Variants in UBE2E2 observed in about 807,000 individuals in gnomAD.
UBE2E2 encodes ubiquitin-conjugating enzyme E2 E2.
UBE2E2 carries 6 observed loss-of-function variants against 24.7 expected under a neutral mutation model. The observed-to-expected ratio is 0.24, with a 90% confidence interval of 0.13 to 0.48. UBE2E2 has a LOEUF of 0.48. Ranked by LOEUF, UBE2E2 falls within the 20% of genes least tolerant of loss-of-function variation. The probability of loss-of-function intolerance (pLI) is 0.99; values close to 1 mark genes in which losing one functional copy is unlikely to be tolerated. For synonymous variants in UBE2E2, 104 were observed against 83.6 expected (o/e 1.24, Z -1.33); for missense variants, 169 against 245.0 (o/e 0.69, Z 2.07).
At chr3:23,430,118 G>T (rs1698023254) in intron 3 of UBE2E2, among the ~76,000 whole-genome samples, 1 of 152,156 alleles carries the variant, frequency 6.6e-6, no homozygotes, top group Non-Finnish European at 1.5e-5. Context: ...TTGAGATTCA[G>T]ACCCCTTGAA....
intron 3 of UBE2E2, among the ~76,000 whole-genome samples, chr3:23,339,358 T>C (rs776691426): frequency 5.3e-5 from 8 of 152,116 alleles, no homozygotes; most frequent in Non-Finnish European, 7.4e-5. Context: ...AAGGAAGATA[T>C]TAGTAGGACA....
chr3:23,282,687 A>C (rs749805734), intron 3 of UBE2E2, among the ~76,000 whole-genome samples: 12 of 152,210 alleles, frequency 7.9e-5, no homozygotes, highest in Non-Finnish European at 1.6e-4. Flanking sequence ...AATGATTTAA[A>C]AACTAAATTG....
intron 1 of UBE2E2, among the ~76,000 whole-genome samples, chr3:23,208,089 A>T (rs1696200615): frequency 6.6e-6 from 1 of 151,878 alleles, no homozygotes; most frequent in Non-Finnish European, 1.5e-5. Context: ...GCTGGAATGC[A>T]GTGGTATCAA....
rs186252890 is a variant in UBE2E2, at chr3:23,553,446, G to A, written c.508+20745G>A. ...GTATACTGGTAGCTATAACTATAGG[G>A]CCTTTGTTTTGGTCGATGATATTTA... On this transcript the variant is annotated intron_variant, in intron 5 of 5. Coordinates refer to ENST00000396703, the MANE Select transcript of UBE2E2 (RefSeq NM_152653.4). Among the ~76,000 whole-genome samples, 71 of 152,150 alleles carry A rather than the reference G, an allele frequency of 4.7e-4. 1 individual carries two copies. The East Asian group carries it at 0.013, about 27-fold the overall frequency.
chr3:23,239,129 A>G (rs952090870), intron 3 of UBE2E2, among the ~76,000 whole-genome samples: 3 of 152,120 alleles, frequency 2.0e-5, no homozygotes, highest in African/African-American at 7.2e-5. Flanking sequence ...TATGAGTTTA[A>G]CATTTTCTTA....
rs772544673 is a variant in UBE2E2, at chr3:23,589,155, C to T, written c.509-579C>T. Among the ~76,000 whole-genome samples the T allele has an allele frequency of 6.6e-6, 1 of 152,302 alleles. No individual in the cohort carries two copies. Among genetic ancestry groups the T allele is most frequent in the South Asian group, 2.1e-4 (1 of 4,822 alleles). ...TCTACTTGAAGACAGGCATCTCACA[C>T]CTGTAATCCCAGCACTTTGGGAGGC... On this transcript the variant is annotated intron_variant, in intron 5 of 5. Coordinates refer to ENST00000396703, the MANE Select transcript of UBE2E2 (RefSeq NM_152653.4). This position sits in a 1 kb window ranked among gnomAD's most constrained non-coding sequence, Gnocchi z 4.1.
At chr3:23,565,404 A>G (rs1168605124) in intron 5 of UBE2E2, among the ~76,000 whole-genome samples, 1 of 135,736 alleles carries the variant, frequency 7.4e-6, no homozygotes, top group Non-Finnish European at 1.6e-5. Flanking sequence ...AGAAACTTGG[A>G]GATTTCTTTT....
intron 3 of UBE2E2, among the ~76,000 whole-genome samples, chr3:23,366,167 A>C (rs6550758): frequency 0.69 from 105,655 of 152,050 alleles, 37,979 homozygotes; most frequent in Non-Finnish European, 0.77. Flanking sequence ...AAAATAATAG[A>C]TGCTGTTGAG....
intron 5 of UBE2E2, among the ~76,000 whole-genome samples, chr3:23,569,556 A>G (rs55779138): frequency 0.32 from 48,193 of 151,966 alleles, 8,507 homozygotes; most frequent in East Asian, 0.49. Context: ...TTCCTCCACT[A>G]CTTGCTGCAG....
At chr3:23,233,027 T>G (rs927153108) in intron 3 of UBE2E2, among the ~76,000 whole-genome samples, 1 of 152,164 alleles carries the variant, frequency 6.6e-6, no homozygotes. Context: ...AGGCTCAAGT[T>G]AGCAGGCGAA....
At chr3:23,484,576 G>C (rs1346968591) in intron 3 of UBE2E2, among the ~76,000 whole-genome samples, 1 of 152,108 alleles carries the variant, frequency 6.6e-6, no homozygotes, top group African/African-American at 2.4e-5. Flanking sequence ...ATCTTGCCTA[G>C]ATCACAGTAC....
chr3:23,591,680 T>C lies in UBE2E2; in HGVS notation c.*1849T>C, dbSNP rs1429008758. Reference sequence around the variant, plus strand: ...GGCATGGGATTTGGCCCATGGGTTGTAGTTTGCCAATCCCTGACACAGACC... The same window carrying C: ...GGCATGGGATTTGGCCCATGGGTTGCAGTTTGCCAATCCCTGACACAGACC... On this transcript the variant is annotated 3_prime_UTR_variant, in exon 6 of 6. Coordinates refer to ENST00000396703, the MANE Select transcript of UBE2E2 (RefSeq NM_152653.4). 1 of 152,192 alleles carries C rather than the reference T, an allele frequency of 6.6e-6. No homozygotes were observed. Among genetic ancestry groups the C allele is most frequent in the African/African-American group, 2.4e-5 (1 of 41,448 alleles). The allele number at this position is 152,192 out of a possible 1,614,324, so 9.4% of individuals were successfully genotyped here.
At chr3:23,472,171 C>T (rs1575652372) in intron 3 of UBE2E2, among the ~76,000 whole-genome samples, 1 of 152,100 alleles carries the variant, frequency 6.6e-6, no homozygotes, top group Non-Finnish European at 1.5e-5. Context: ...GAGTAAAAAT[C>T]AATGGAGTAT....
rs1158915900 is a variant in UBE2E2 at position 23,584,726 on chromosome 3, G to GTTTTTTTTTTTTTTTTTTTTTTTTTTTT, written c.509-4983_509-4982insTTTTTTTTTTTTTTTTTTTTTTTTTTTT. 1.8e-5 allele frequency among the ~76,000 whole-genome samples: 2 copies of GTTTTTTTTTTTTTTTTTTTTTTTTTTTT among 113,504 alleles called. 1 individual carries two copies. Among genetic ancestry groups the GTTTTTTTTTTTTTTTTTTTTTTTTTTTT allele is most frequent in the African/African-American group, 7.3e-5 (2 of 27,310 alleles). 74.5% of individuals were successfully genotyped at this position (113,504 alleles called of 152,430 possible). A position where few individuals can be genotyped will look rare whatever the true frequency, so the allele number is the denominator to read the frequency against. ...ATGCCACCACACCCAGCTGTTTTTT[G>GTTTTTTTTTTTTTTTTTTTTTTTTTTTT]TTTTTTTTTTTTTTTTTTTTTTTTT... is the stretch of plus-strand genomic sequence containing the variant. On this transcript the variant is annotated intron_variant, in intron 5 of 5. Transcript: ENST00000396703.
At chr3:23,266,325 CT>C (rs1248390681) in intron 3 of UBE2E2, among the ~76,000 whole-genome samples, 1 of 152,120 alleles carries the variant, frequency 6.6e-6, no homozygotes, top group Non-Finnish European at 1.5e-5. Flanking sequence ...TTCAGGAGCT[CT>C]TTTAGGGCAG....
chr3:23,445,035 A>C (rs909434769), intron 3 of UBE2E2, among the ~76,000 whole-genome samples: 1 of 152,218 alleles, frequency 6.6e-6, no homozygotes, highest in African/African-American at 2.4e-5. Context: ...ATCTTATGCC[A>C]AGTGATCGGT....
chr3:23,505,768 T>G (rs1694438917), intron 4 of UBE2E2, among the ~76,000 whole-genome samples: 2 of 152,348 alleles, frequency 1.3e-5, no homozygotes, highest in East Asian at 3.9e-4. Context: ...ATGGGTTGCT[T>G]ACTAATGTCA....
intron 3 of UBE2E2, among the ~76,000 whole-genome samples, chr3:23,284,716 A>G (rs150600956): frequency 1.3e-5 from 2 of 151,850 alleles, no homozygotes; most frequent in East Asian, 1.9e-4. Flanking sequence ...TGGTGATTAT[A>G]TATATATATT....
intron 3 of UBE2E2, among the ~76,000 whole-genome samples, chr3:23,285,392 G>A (rs1339538174): frequency 6.6e-6 from 1 of 152,122 alleles, no homozygotes; most frequent in Admixed American, 6.5e-5. Context: ...GGTATACTTA[G>A]CAGTGGGATT....
Sources: allele counts gnomAD v4.1 joint callset (sites outside exome capture counted in the v4.1 genomes callset), GRCh38; gene constraint gnomAD v4.1.1; non-coding constraint Gnocchi (gnomAD v3.1); transcripts MANE v1.5; gene names NCBI Gene and HGNC (gene_info 2026-07-23, HGNC 2026-07-21).